Variants in MYF6 observed in about 807,000 individuals in gnomAD.
The protein encoded by MYF6 is class C basic helix-loop-helix protein 4.
Under a neutral mutation model 21.7 loss-of-function variants are expected in MYF6, and 20 were observed. The observed-to-expected ratio is 0.92, with a 90% CI of 0.65 to 1.34. The LOEUF is 1.34. Ranked by LOEUF, MYF6 falls within the 40% of genes most tolerant of loss-of-function variation. The pLI is 0.00. For synonymous variants in MYF6, 124 were observed against 124.7 expected, an observed-to-expected ratio of 0.99 and a Z score of 0.04; for missense variants, 320 against 304.1, an observed-to-expected ratio of 1.05 and a Z score of -0.39.
Position 80,709,257 on chromosome 12 carries a change from A to T in MYF6, c.*297A>T, listed in dbSNP as rs577457456. ...TTGGTTTTATACTATATTAACTTTT[A>T]TTACGGTGATCCTTTTGTGCCATGT... On this transcript the variant is annotated 3_prime_UTR_variant, in exon 3 of 3. Coordinates refer to ENST00000228641, the MANE Select transcript of MYF6 (RefSeq NM_002469.3). The T allele has an allele frequency of 2.5e-5, 8 of 322,638 alleles. No homozygotes were observed. The East Asian group carries it at 4.8e-4, about 19-fold the overall frequency. 20.0% of individuals were successfully genotyped at this position (322,638 alleles called of 1,614,324 possible).
chr12:80,708,480 G>A (rs757050221), intron 1 of MYF6, 44 bp from the exon 2 acceptor site: 1 of 575,508 alleles, frequency 1.7e-6, no homozygotes, highest in Non-Finnish European at 3.3e-6. Context: ...CCCCGGAACC[G>A]ATGTTTCTTT....
In MYF6 at chr12:80,707,649, T is replaced by C; in HGVS notation, c.-71T>C. ...ATGTCACTGCACTAATTAAATGCCA[T>C]CTGGGTGGTTCCTCTGGGTTTTTGA... is the stretch of plus-strand genomic sequence containing the variant. On this transcript the variant is annotated 5_prime_UTR_variant, in exon 1 of 3. Coordinates refer to ENST00000228641, the MANE Select transcript of MYF6 (RefSeq NM_002469.3). The C allele has an allele frequency of 6.4e-7, 1 of 1,570,382 alleles. No individual in the cohort carries two copies. Among genetic ancestry groups the C allele is most frequent in the Non-Finnish European group, 8.8e-7 (1 of 1,141,266 alleles).
chr12:80,708,889 T>C lies in MYF6; in HGVS notation c.658T>C (p.Ser220Pro). 6.2e-6 allele frequency: 10 copies of C among 1,614,262 alleles called. No homozygotes were observed. The highest frequency in any genetic ancestry group is 8.5e-6 in the Non-Finnish European group (10 of 1,180,040). Residue 220 changes from serine (S) to proline (P), a missense_variant, in exon 3 of 3, where the codon TCT becomes CCT. Physicochemically the swap from Ser to Pro is moderately conservative, Grantham distance 74 (BLOSUM62 -1). Transcript: ENST00000228641. Reference protein sequence around the residue: ...SSASSSLRCLSSIVDSISSEE... With the variant: ...SSASSSLRCLPSIVDSISSEE... ...AGCCTCGAGTAGCCTTCGATGCCTT[T>C]CTTCCATCGTGGACAGTATTTCCTC...
intron 2 of MYF6, 90 bp from the exon 3 acceptor site, chr12:80,708,752 C>A: frequency 6.5e-7 from 1 of 1,529,014 alleles, no homozygotes; most frequent in Non-Finnish European, 9.1e-7. Context: ...CCAGGCCTTT[C>A]CTCGCTGCCA....
At chr12:80,708,403 T>G in intron 1 of MYF6, 121 bp from the exon 2 acceptor site, 1 of 1,401,212 alleles carries the variant, frequency 7.1e-7, no homozygotes, top group Non-Finnish European at 1.0e-6. Flanking sequence ...GACCGGGTGC[T>G]TGCAATAGGC....
At position 80,709,265 on chromosome 12, in the gene MYF6, G is replaced by C. The variant is rs1419876310; in HGVS notation, c.*305G>C. On this transcript the variant is annotated 3_prime_UTR_variant, in exon 3 of 3. Coordinates refer to ENST00000228641, the MANE Select transcript of MYF6 (RefSeq NM_002469.3). Reference sequence around the variant, plus strand: ...ATACTATATTAACTTTTATTACGGTGATCCTTTTGTGCCATGTTCAAAAGA... The same window carrying C: ...ATACTATATTAACTTTTATTACGGTCATCCTTTTGTGCCATGTTCAAAAGA... The C allele has an allele frequency of 1.7e-5, 5 of 297,746 alleles. No homozygotes were observed. Among genetic ancestry groups the C allele is most frequent in the Non-Finnish European group, 3.2e-5 (5 of 156,990 alleles). The allele number at this position is 297,746 out of a possible 1,614,324, so 18.4% of individuals were successfully genotyped here. A position where few individuals can be genotyped will look rare whatever the true frequency, so the allele number is the denominator to read the frequency against.
chr12:80,708,592 G>T lies in MYF6; in HGVS notation c.588G>T (p.Gly196=), dbSNP rs1868414552. 2 of 1,614,066 alleles carry T rather than the reference G, an allele frequency of 1.2e-6. No homozygotes were observed. Among genetic ancestry groups the T allele is most frequent in the African/African-American group, 1.3e-5 (1 of 74,938 alleles). Residue 196 remains glycine, a synonymous_variant, in exon 2 of 3, where the codon GGG becomes GGT. Coordinates refer to ENST00000228641, the MANE Select transcript of MYF6 (RefSeq NM_002469.3). ...QWPSVSDHSR[G]LVITAKEGGA... ...CAAGTGTTTCCGATCATTCCAGGGG[G>T]CTCGTGATAACGGCTAAGGAAGGTA... is the stretch of plus-strand genomic sequence containing the variant.
In MYF6 at chr12:80,708,078, C is replaced by G; in HGVS notation, c.359C>G (p.Thr120Ser). The change falls in exon 1 of 3, where the codon ACT (threonine) becomes AGT (serine). Residue 120 changes from threonine (T) to serine (S), a missense_variant. Coordinates refer to ENST00000228641, the MANE Select transcript of MYF6 (RefSeq NM_002469.3). ...GCCTTCGAGGCACTGAAGCGGCGAA[C>G]TGTGGCCAACCCCAACCAGAGGCTG... The part of the protein sequence containing the change: ...NEAFEALKRR[T>S]VANPNQRLPK... The G allele has an allele frequency of 4.3e-6, 7 of 1,614,204 alleles. No homozygotes were observed. Among genetic ancestry groups the G allele is most frequent in the Non-Finnish European group, 5.9e-6 (7 of 1,180,038 alleles).
At position 80,707,835 on chromosome 12, in the gene MYF6, G is replaced by A. The variant is rs1305130318; in HGVS notation, c.116G>A (p.Gly39Asp). 6.2e-7 allele frequency: 1 copy of A among 1,614,026 alleles called. No homozygotes were observed. The highest frequency in any genetic ancestry group is 1.3e-5 in the African/African-American group (1 of 74,916). Residue 39 changes from glycine to aspartate, a missense_variant, in exon 1 of 3, where the codon GGT becomes GAT. Coordinates refer to ENST00000228641, the MANE Select transcript of MYF6 (RefSeq NM_002469.3). ...EGSPLYPGSD[G>D]TLSPCQDQMP... The stretch of plus-strand genomic sequence containing the variant: ...TCTCCTTTGTATCCAGGGAGTGATG[G>A]TACCTTGTCCCCCTGCCAGGACCAA...
chr12:80,708,530 G>T lies in MYF6; in HGVS notation c.526G>T (p.Gly176Cys), dbSNP rs1432894171. The T allele has an allele frequency of 6.2e-6, 10 of 1,614,152 alleles. No individual in the cohort carries two copies. Among genetic ancestry groups the T allele is most frequent in the South Asian group, 1.1e-5 (1 of 91,082 alleles). The change falls in exon 2 of 3, where the codon GGT (glycine) becomes TGT (cysteine). Residue 176 changes from glycine (G) to cysteine (C), a missense_variant. Gly to Cys is a radical substitution (Grantham distance 159, BLOSUM62 -3). Coordinates refer to ENST00000228641, the MANE Select transcript of MYF6 (RefSeq NM_002469.3). ...SYRPKQENLEGADFLRTCSSQ... is the reference protein window; with the variant it reads ...SYRPKQENLECADFLRTCSSQ... The stretch of plus-strand genomic sequence containing the variant: ...GCCTTGGTTTTCCCTCCAGCTTGAG[G>T]GTGCGGATTTCCTGCGCACCTGCAG...
In MYF6 at chr12:80,708,861, G is replaced by C; in HGVS notation, c.630G>C (p.Ser210=). 6.2e-7 allele frequency: 1 copy of C among 1,614,150 alleles called. No individual in the cohort carries two copies. The highest frequency in any genetic ancestry group is 8.5e-7 in the Non-Finnish European group (1 of 1,179,970). ...GCTCAGGAGGAGCAAGTATTGATTC[G>C]TCAGCCTCGAGTAGCCTTCGATGCC... ...TAKEGGASID[S]SASSSLRCLS... The change falls in exon 3 of 3, where the codon TCG becomes TCC. Residue 210 remains serine, a synonymous_variant. Transcript: ENST00000228641.
In MYF6 at chr12:80,707,652, G is replaced by C. The variant is rs933193130; in HGVS notation, c.-68G>C. On this transcript the variant is annotated 5_prime_UTR_variant, in exon 1 of 3. Coordinates refer to ENST00000228641, the MANE Select transcript of MYF6 (RefSeq NM_002469.3). ...TCACTGCACTAATTAAATGCCATCT[G>C]GGTGGTTCCTCTGGGTTTTTGAGTC... 8 of 1,578,688 alleles carry C rather than the reference G, an allele frequency of 5.1e-6. No individual in the cohort carries two copies. The African/African-American group carries it at 1.1e-4, about 21-fold the overall frequency.
At chr12:80,708,428 C>T (rs1262018473) in intron 1 of MYF6, 96 bp from the exon 2 acceptor site, 19 of 1,435,304 alleles carry the variant, frequency 1.3e-5, no homozygotes, top group African/African-American at 2.8e-5. Context: ...AATGCGTACC[C>T]GGCCCGAGGA....
Position 80,709,037 on chromosome 12 carries a change from G to A in MYF6, c.*77G>A, listed in dbSNP as rs1280444854. ...CTTCCTGGCCTAATCCTTTAGATTAGGTCACATTACATTAACATTTAGGAA... is the reference window on the plus strand; with the variant it reads ...CTTCCTGGCCTAATCCTTTAGATTAAGTCACATTACATTAACATTTAGGAA... On this transcript the variant is annotated 3_prime_UTR_variant, in exon 3 of 3. Coordinates refer to ENST00000228641, the MANE Select transcript of MYF6 (RefSeq NM_002469.3). 9.6e-6 allele frequency: 11 copies of A among 1,144,182 alleles called. No individual in the cohort carries two copies. The African/African-American group carries it at 1.5e-4, about 16-fold the overall frequency. 70.9% of individuals were successfully genotyped at this position (1,144,182 alleles called of 1,614,324 possible).
At position 80,707,647 on chromosome 12, in the gene MYF6, C is replaced by CCAGAGG; in HGVS notation, c.-73_-72insCAGAGG. The CCAGAGG allele has an allele frequency of 6.4e-7, 1 of 1,562,904 alleles. No individual in the cohort carries two copies. Among genetic ancestry groups the CCAGAGG allele is most frequent in the Non-Finnish European group, 8.8e-7 (1 of 1,134,696 alleles). On this transcript the variant is annotated 5_prime_UTR_variant, in exon 1 of 3. Coordinates refer to ENST00000228641, the MANE Select transcript of MYF6 (RefSeq NM_002469.3). ...TTATGTCACTGCACTAATTAAATGC[C>CCAGAGG]ATCTGGGTGGTTCCTCTGGGTTTTT...
intron 1 of MYF6, 127 bp from the exon 2 acceptor site, chr12:80,708,397 G>A (rs929219146): frequency 7.1e-7 from 1 of 1,399,276 alleles, no homozygotes; most frequent in Non-Finnish European, 1.0e-6. Flanking sequence ...CAAGAAGACC[G>A]GGTGCTTGCA....
rs990722521 is a variant in MYF6 at position 80,709,038 on chromosome 12, G to T, written c.*78G>T. 12 of 1,133,768 alleles carry T rather than the reference G, an allele frequency of 1.1e-5. No homozygotes were observed. The Admixed American group carries it at 2.1e-4, about 20-fold the overall frequency. The allele number at this position is 1,133,768 out of a possible 1,614,324, so 70.2% of individuals were successfully genotyped here. A position where few individuals can be genotyped will look rare whatever the true frequency, so the allele number is the denominator to read the frequency against. On this transcript the variant is annotated 3_prime_UTR_variant, in exon 3 of 3. Transcript: ENST00000228641. Reference sequence around the variant, plus strand: ...TTCCTGGCCTAATCCTTTAGATTAGGTCACATTACATTAACATTTAGGAAC... The same window carrying T: ...TTCCTGGCCTAATCCTTTAGATTAGTTCACATTACATTAACATTTAGGAAC...
At chr12:80,708,737 C>T in intron 2 of MYF6, 105 bp from the exon 3 acceptor site, 1 of 1,515,714 alleles carries the variant, frequency 6.6e-7, no homozygotes, top group Non-Finnish European at 9.2e-7. Flanking sequence ...CTTTGCGCGC[C>T]GGGACCAGGC....
rs1434427764 is a variant in MYF6, at chr12:80,708,129, C to T, written c.410C>T (p.Ala137Val). 6.2e-7 allele frequency: 1 copy of T among 1,614,172 alleles called. No individual in the cohort carries two copies. The highest frequency in any genetic ancestry group is 1.1e-5 in the South Asian group (1 of 91,080). Reference sequence around the variant, plus strand: ...CCCAAGGTGGAGATTCTGCGGAGCGCCATCAGCTATATTGAGCGGCTGCAG... The same window carrying T: ...CCCAAGGTGGAGATTCTGCGGAGCGTCATCAGCTATATTGAGCGGCTGCAG... ...RLPKVEILRSAISYIERLQDL... is the reference protein window; with the variant it reads ...RLPKVEILRSVISYIERLQDL... The change falls in exon 1 of 3, where the codon GCC (alanine) becomes GTC (valine). Residue 137 changes from alanine (A) to valine (V), a missense_variant. Ala to Val is a moderately conservative substitution (Grantham distance 64). Coordinates refer to ENST00000228641, the MANE Select transcript of MYF6 (RefSeq NM_002469.3).
Sources: allele counts gnomAD v4.1 joint callset, GRCh38; gene constraint gnomAD v4.1.1; transcripts MANE v1.5; gene names NCBI Gene and HGNC (gene_info 2026-07-23, HGNC 2026-07-21).